Variants in GRAMD2B observed in about 807,000 individuals in gnomAD.
GRAMD2B encodes the protein GRAM domain-containing protein 2B.
A neutral mutation model predicts 59.2 loss-of-function variants in GRAMD2B; 41 were observed. That is an observed-to-expected ratio of 0.69 (90% CI 0.54 to 0.90). GRAMD2B has a LOEUF of 0.90. Among genes scored for constraint, GRAMD2B ranks in the 40% least tolerant of loss-of-function variants. GRAMD2B has a pLI of 0.00. For synonymous variants in GRAMD2B, 161 were observed against 182.7 expected (o/e 0.88, Z 0.96); for missense variants, 424 against 500.5 (o/e 0.85, Z 1.46).
intron 1 of GRAMD2B, among the ~76,000 whole-genome samples, chr5:126,375,061 T>C (rs920851170): frequency 4.6e-5 from 7 of 152,236 alleles, no homozygotes; most frequent in African/African-American, 1.7e-4. Flanking sequence ...GCTTTCCATT[T>C]ATTTAGGTTT....
At chr5:126,387,273 GAAA>G (rs34031474) in intron 1 of GRAMD2B, among the ~76,000 whole-genome samples, 1 of 148,698 alleles carries the variant, frequency 6.7e-6, no homozygotes. Flanking sequence ...TAACTCTTCT[GAAA>G]AAAAAAAAGG....
At chr5:126,383,619 A>C (rs1755847772) in intron 1 of GRAMD2B, among the ~76,000 whole-genome samples, 1 of 152,220 alleles carries the variant, frequency 6.6e-6, no homozygotes, top group East Asian at 1.9e-4. Flanking sequence ...GAAAAAAAAA[A>C]GTTTTCTGTT....
intron 13 of GRAMD2B, among the ~76,000 whole-genome samples, 190 bp from the exon 14 acceptor site, chr5:126,492,725 C>T (rs142364860): frequency 1.3e-5 from 2 of 151,968 alleles, no homozygotes; most frequent in East Asian, 3.9e-4. Flanking sequence ...TTTCTTTTTC[C>T]CAAAGAAAAA....
At chr5:126,411,324 T>C (rs1758767840) in intron 1 of GRAMD2B, among the ~76,000 whole-genome samples, 2 of 152,154 alleles carry the variant, frequency 1.3e-5, no homozygotes, top group Non-Finnish European at 2.9e-5. Flanking sequence ...TGCATATGGC[T>C]AGCTAGCTAT....
At chr5:126,488,295 A>G (rs2126966183) in intron 12 of GRAMD2B, among the ~76,000 whole-genome samples, 1 of 152,344 alleles carries the variant, frequency 6.6e-6, no homozygotes, top group South Asian at 2.1e-4. Flanking sequence ...ACGCCTGATT[A>G]TGAGACAAGG....
intron 1 of GRAMD2B, among the ~76,000 whole-genome samples, chr5:126,381,896 A>G (rs1225461034): frequency 6.6e-6 from 1 of 152,144 alleles, no homozygotes; most frequent in African/African-American, 2.4e-5. Context: ...TGGTACTGGT[A>G]AATTCCCTCA....
intron 5 of GRAMD2B, among the ~76,000 whole-genome samples, chr5:126,474,920 T>C (rs1481026041): frequency 1.3e-5 from 2 of 152,214 alleles, no homozygotes; most frequent in Non-Finnish European, 2.9e-5. Flanking sequence ...TAGTGACTTG[T>C]ATGTTCCATC....
intron 1 of GRAMD2B, among the ~76,000 whole-genome samples, chr5:126,431,882 T>G (rs185453630): frequency 1.3e-5 from 2 of 152,352 alleles, no homozygotes; most frequent in Admixed American, 1.3e-4. Context: ...TCTCAGGCAA[T>G]GAGATGAGGT....
At chr5:126,436,208 T>C (rs1399720852) in intron 1 of GRAMD2B, among the ~76,000 whole-genome samples, 1 of 152,236 alleles carries the variant, frequency 6.6e-6, no homozygotes, top group Non-Finnish European at 1.5e-5. Context: ...TTAATAATTA[T>C]ACTAGCATTT....
At chr5:126,440,491 G>T (rs1305313090) in intron 1 of GRAMD2B, among the ~76,000 whole-genome samples, 3 of 152,080 alleles carry the variant, frequency 2.0e-5, no homozygotes, top group African/African-American at 7.2e-5. Flanking sequence ...TATATCTGGA[G>T]GTATTTTCAA....
chr5:126,421,188 T>C (rs189630435), upstream of GRAMD2B, among the ~76,000 whole-genome samples: 2 of 152,266 alleles, frequency 1.3e-5, no homozygotes, highest in African/African-American at 4.8e-5. Context: ...TTAAATAACA[T>C]TGTGAAAGTG....
chr5:126,438,464 G>T (rs773960754), intron 1 of GRAMD2B, among the ~76,000 whole-genome samples: 1 of 152,168 alleles, frequency 6.6e-6, no homozygotes, highest in Non-Finnish European at 1.5e-5. Context: ...GTAATTAGAG[G>T]TCTGGGAAAG....
intron 1 of GRAMD2B, among the ~76,000 whole-genome samples, chr5:126,460,160 G>T (rs1456782231): frequency 6.6e-6 from 1 of 152,104 alleles, no homozygotes; most frequent in Non-Finnish European, 1.5e-5. Flanking sequence ...GTGCAGAATA[G>T]CATGCTGTCT....
At chr5:126,425,658 C>G (rs958017213) in intron 1 of GRAMD2B, among the ~76,000 whole-genome samples, 1 of 152,044 alleles carries the variant, frequency 6.6e-6, no homozygotes, top group Admixed American at 6.6e-5. Context: ...CCCAGCTGCT[C>G]GGGAGGCTGA....
At chr5:126,462,367 G>C in intron 1 of GRAMD2B, 1 of 973,608 alleles carries the variant, frequency 1.0e-6, no homozygotes, top group Non-Finnish European at 1.2e-6. Flanking sequence ...CTCCCACGCT[G>C]CTCACTCAAA....
At chr5:126,409,898 TC>T (rs1353925215) in intron 1 of GRAMD2B, among the ~76,000 whole-genome samples, 1 of 152,078 alleles carries the variant, frequency 6.6e-6, no homozygotes, top group East Asian at 1.9e-4. Context: ...GTTTCAGCTT[TC>T]TACATATGGC....
chr5:126,485,527 G>A (rs1013564284), intron 10 of GRAMD2B, among the ~76,000 whole-genome samples, 159 bp from the exon 11 acceptor site: 2 of 152,276 alleles, frequency 1.3e-5, no homozygotes, highest in African/African-American at 2.4e-5. Context: ...GGAAGGAATT[G>A]TAACCACTGG....
intron 12 of GRAMD2B, among the ~76,000 whole-genome samples, chr5:126,487,927 T>C (rs1773249964): frequency 6.6e-6 from 1 of 152,192 alleles, no homozygotes; most frequent in South Asian, 2.1e-4. Flanking sequence ...ATTTCAGGGC[T>C]CATCTCCAGA....
At chr5:126,423,153 G>A, upstream of GRAMD2B, 1 of 997,792 alleles carries the variant, frequency 1.0e-6, no homozygotes, top group Non-Finnish European at 1.2e-6. Flanking sequence ...GGTATCTAGA[G>A]CCGGCTGCCC....
Sources: allele counts gnomAD v4.1 joint callset (sites outside exome capture counted in the v4.1 genomes callset), GRCh38; gene constraint gnomAD v4.1.1; transcripts MANE v1.5; gene names NCBI Gene and HGNC (gene_info 2026-07-23, HGNC 2026-07-21).